Variants in NICOL1 observed in about 807,000 individuals in gnomAD.
NICOL1 encodes the protein NELL2 interacting cell ontogeny regulator 1, also known as NELL2-interacting cell ontogeny regulator 1.
At chr4:2,036,892 C>T in the NICOL1 span, among the ~76,000 whole-genome samples, 30 of 152,068 alleles carry the variant, frequency 2.0e-4, no homozygotes, top group South Asian at 1.7e-3. Flanking sequence ...ATTCATGCTC[C>T]GGTGTCCTCC....
the NICOL1 span, among the ~76,000 whole-genome samples, chr4:2,039,141 C>A: frequency 2.0e-5 from 3 of 152,206 alleles, no homozygotes; most frequent in South Asian, 4.2e-4. Flanking sequence ...TGGCTGAACT[C>A]GGTGGCTCAT....
chr4:2,037,730 A>G, the NICOL1 span, among the ~76,000 whole-genome samples: 1 of 152,260 alleles, frequency 6.6e-6, no homozygotes. Flanking sequence ...AAGTTATGTT[A>G]TGATAAATTA....
the NICOL1 span, among the ~76,000 whole-genome samples, chr4:2,041,563 G>A: frequency 6.6e-6 from 1 of 152,198 alleles, no homozygotes; most frequent in Non-Finnish European, 1.5e-5. Context: ...GGGCGAGGGC[G>A]GATCCCCCGA....
the NICOL1 span, chr4:2,042,833 C>A: frequency 6.8e-7 from 1 of 1,478,280 alleles, no homozygotes; most frequent in East Asian, 2.8e-5. Context: ...GGGTGAGCGC[C>A]CGCGGCGCGA....
chr4:2,042,973 C>T, the NICOL1 span: 83 of 560,304 alleles, frequency 1.5e-4, no homozygotes, highest in Non-Finnish European at 2.2e-4. Flanking sequence ...TCCTCTGGCT[C>T]CAGTCATCCA....
the NICOL1 span, among the ~76,000 whole-genome samples, chr4:2,041,220 C>T: frequency 4.9e-4 from 75 of 151,598 alleles, no homozygotes; most frequent in Non-Finnish European, 9.1e-4. Flanking sequence ...CCGCCTGTGT[C>T]GGTGTCGGCG....
the NICOL1 span, among the ~76,000 whole-genome samples, chr4:2,038,237 G>GTATGTATATATATATA: frequency 1.1e-5 from 1 of 91,454 alleles, no homozygotes; most frequent in Non-Finnish European, 2.3e-5. Context: ...TGATCAGTGT[G>GTATGTATATATATATA]TATATATATA....
At chr4:2,040,232 C>A in the NICOL1 span, among the ~76,000 whole-genome samples, 1 of 152,156 alleles carries the variant, frequency 6.6e-6, no homozygotes, top group Non-Finnish European at 1.5e-5. Flanking sequence ...TCAGCCTCCC[C>A]AGTAGCTGGG....
At chr4:2,043,595 C>T in the NICOL1 span, among the ~76,000 whole-genome samples, 250 of 152,288 alleles carry the variant, frequency 1.6e-3, no homozygotes, top group Non-Finnish European at 2.7e-3. Flanking sequence ...CAGTGGACCC[C>T]TGCGGGTGGT....
chr4:2,041,162 G>A, the NICOL1 span, among the ~76,000 whole-genome samples: 1 of 146,712 alleles, frequency 6.8e-6, no homozygotes, highest in Admixed American at 6.7e-5. Context: ...GGGGGGGAGC[G>A]GGGGCGCCAG....
chr4:2,037,909 A>G, the NICOL1 span, among the ~76,000 whole-genome samples: 1 of 151,626 alleles, frequency 6.6e-6, no homozygotes, highest in East Asian at 2.0e-4. Context: ...TTGATACATA[A>G]GTTTTCAGCA....
chr4:2,041,971 C>T, the NICOL1 span: 1 of 1,452,572 alleles, frequency 6.9e-7, no homozygotes, highest in Non-Finnish European at 9.0e-7. Flanking sequence ...GATGGGGAAC[C>T]CGGGCGGGGT....
At chr4:2,041,737 T>C in the NICOL1 span, 2 of 441,354 alleles carry the variant, frequency 4.5e-6, no homozygotes, top group Admixed American at 9.1e-5. Flanking sequence ...CAGCCACAGA[T>C]TTCCCACTTC....
At chr4:2,038,983 C>G in the NICOL1 span, among the ~76,000 whole-genome samples, 2 of 152,226 alleles carry the variant, frequency 1.3e-5, no homozygotes, top group Middle Eastern at 6.8e-3. Context: ...GTTTTGGTAT[C>G]AAAATCAAAG....
At chr4:2,041,899 C>A in the NICOL1 span, 254 of 1,274,310 alleles carry the variant, frequency 2.0e-4, no homozygotes, top group Non-Finnish European at 2.6e-4. Context: ...ATTCCTGGAG[C>A]GTCCTAGGTT....
At chr4:2,043,356 G>C in the NICOL1 span, among the ~76,000 whole-genome samples, 9 of 152,144 alleles carry the variant, frequency 5.9e-5, no homozygotes, top group Non-Finnish European at 8.8e-5. Context: ...TTTTGTTTGT[G>C]CCGGGGCTCA....
At chr4:2,040,041 G>C in the NICOL1 span, among the ~76,000 whole-genome samples, 19 of 138,912 alleles carry the variant, frequency 1.4e-4, no homozygotes, top group African/African-American at 5.1e-4. Flanking sequence ...AAGTATGACA[G>C]AGAGAGAGAG....
the NICOL1 span, chr4:2,042,086 G>A: frequency 6.7e-7 from 1 of 1,484,046 alleles, no homozygotes; most frequent in South Asian, 1.3e-5. Context: ...CGGTGGTGCG[G>A]GCGTCCGAAT....
the NICOL1 span, among the ~76,000 whole-genome samples, chr4:2,039,949 T>C: frequency 4.5e-4 from 69 of 152,150 alleles, no homozygotes; most frequent in Non-Finnish European, 9.0e-4. Flanking sequence ...ATGTGTTATT[T>C]ATTGAGAAAA....
Sources: allele counts gnomAD v4.1 joint callset (sites outside exome capture counted in the v4.1 genomes callset), GRCh38; gene constraint gnomAD v4.1.1; transcripts MANE v1.5; gene names NCBI Gene and HGNC (gene_info 2026-07-23, HGNC 2026-07-21).